CDKL5: variants seen among roughly 807,000 people sequenced by gnomAD.
The protein encoded by CDKL5 is cyclin dependent kinase like 5.
In CDKL5, 8 loss-of-function variants were observed where a neutral mutation model predicts 61.7. That is an observed-to-expected ratio of 0.13 (90% confidence interval 0.08 to 0.23). The LOEUF (loss-of-function observed/expected upper bound fraction) is 0.23. Among genes scored for constraint, CDKL5 ranks in the 10% least tolerant of loss-of-function variants. The pLI is 1.00. For missense variants in CDKL5, 440 were observed against 734.5 expected (o/e 0.60, Z 4.63); for synonymous variants, 275 against 272.3 (o/e 1.01, Z -0.10).
rs1555951984 is a variant in CDKL5 at position 18,604,137 on chromosome X, C to G, written c.1213C>G (p.Leu405Val). Reference sequence around the variant, plus strand: ...TCTCACCAACAACAACATACCACACCTTCTTAGCCCAAAAGAAGCCAAGTC... The same window carrying G: ...TCTCACCAACAACAACATACCACACGTTCTTAGCCCAAAAGAAGCCAAGTC... ...KDLTNNNIPHLLSPKEAKSKT... is the reference protein window; with the variant it reads ...KDLTNNNIPHVLSPKEAKSKT... The change falls in exon 12 of 18, where the codon CTT becomes GTT. Residue 405 changes from leucine to valine, a missense_variant. Around this residue, in one of 2 missense-constraint regions of CDKL5, gnomAD observed 363 missense variants for 516.3 expected, o/e 0.70. Coordinates refer to ENST00000623535, the MANE Select transcript of CDKL5 (RefSeq NM_001323289.2). The G allele has an allele frequency of 8.3e-7, 1 of 1,211,760 alleles. No individual in the cohort carries two copies. The highest frequency in any genetic ancestry group is 2.2e-5 in the Admixed American group (1 of 46,011).
intron 16 of CDKL5, among the ~76,000 whole-genome samples, chrX:18,622,916 G>A (rs1926933281): frequency 8.9e-6 from 1 of 111,770 alleles, no homozygotes; most frequent in African/African-American, 3.3e-5. Flanking sequence ...AAAATTTGTG[G>A]GATGTTTTAC....
chrX:18,532,002 G>T (rs936850679), intron 3 of CDKL5, among the ~76,000 whole-genome samples: 1 of 112,022 alleles, frequency 8.9e-6, no homozygotes, highest in African/African-American at 3.3e-5. Flanking sequence ...CACCGCGCCC[G>T]GCCAGGGTTT....
Position 18,633,708 on chromosome X carries a change from T to C in CDKL5, c.*4951T>C, listed in dbSNP as rs909696666. The C allele has an allele frequency of 1.3e-6, 1 of 753,965 alleles. No homozygotes were observed. Among genetic ancestry groups the C allele is most frequent in the African/African-American group, 2.3e-5 (1 of 43,748 alleles). The allele number at this position is 753,965 out of a possible 1,213,427, so 62.1% of individuals were successfully genotyped here. A position where few individuals can be genotyped will look rare whatever the true frequency, so the allele number is the denominator to read the frequency against. On this transcript the variant is annotated 3_prime_UTR_variant, in exon 18 of 18. Coordinates refer to ENST00000623535, the MANE Select transcript of CDKL5 (RefSeq NM_001323289.2). ...TGCCCCCTTCGATTCTTTTTTTTTTTCTTTGTGAATTGAATGTACGATACA... is the reference window on the plus strand; with the variant it reads ...TGCCCCCTTCGATTCTTTTTTTTTTCCTTTGTGAATTGAATGTACGATACA...
intron 1 of CDKL5, among the ~76,000 whole-genome samples, chrX:18,497,865 A>G (rs1327148047): frequency 9.3e-6 from 1 of 107,979 alleles, no homozygotes; most frequent in Admixed American, 1.0e-4. Flanking sequence ...CCGGCAGTGC[A>G]CAGTGCACAG....
chrX:18,618,725 T>G (rs1186355758), intron 15 of CDKL5, among the ~76,000 whole-genome samples: 4 of 111,907 alleles, frequency 3.6e-5, no homozygotes, highest in Non-Finnish European at 7.5e-5. Flanking sequence ...TTCCAGCACT[T>G]TGGGAGGCTG....
intron 3 of CDKL5, among the ~76,000 whole-genome samples, chrX:18,525,297 G>A (rs1256066784): frequency 1.8e-5 from 2 of 110,849 alleles, no homozygotes; most frequent in Non-Finnish European, 3.8e-5. Context: ...TGGGGTTTCA[G>A]CATATTGATC....
At chrX:18,540,933 C>T (rs1004640810) in intron 3 of CDKL5, among the ~76,000 whole-genome samples, 1 of 111,091 alleles carries the variant, frequency 9.0e-6, no homozygotes. Context: ...GTGATCCACC[C>T]GCCTCAGCCT....
At chrX:18,476,774 CT>C (rs1302310922) in intron 1 of CDKL5, among the ~76,000 whole-genome samples, 17 of 106,498 alleles carry the variant, frequency 1.6e-4, no homozygotes, top group Non-Finnish European at 1.6e-4. Context: ...ATAGTTGAAT[CT>C]TTTTTTTTTT....
intron 1 of CDKL5, among the ~76,000 whole-genome samples, chrX:18,456,004 T>A (rs1167604764): frequency 8.9e-6 from 1 of 111,779 alleles, no homozygotes; most frequent in Non-Finnish European, 1.9e-5. Flanking sequence ...ACAGAAGTTC[T>A]GGCCACTTAA....
At chrX:18,536,278 A>G (rs1405184405) in intron 3 of CDKL5, among the ~76,000 whole-genome samples, 1 of 110,483 alleles carries the variant, frequency 9.1e-6, no homozygotes, top group Non-Finnish European at 1.9e-5. Flanking sequence ...AGCAGACACA[A>G]AGACATTAGA....
intron 3 of CDKL5, among the ~76,000 whole-genome samples, chrX:18,534,621 A>G (rs1347713469): frequency 8.9e-6 from 1 of 112,066 alleles, no homozygotes; most frequent in Non-Finnish European, 1.9e-5. Context: ...AATGAATATC[A>G]TTATCTATTT....
chrX:18,517,743 T>C (rs942551945), intron 3 of CDKL5, among the ~76,000 whole-genome samples: 3 of 111,737 alleles, frequency 2.7e-5, no homozygotes, highest in African/African-American at 9.8e-5. Context: ...TTCAAAGTAG[T>C]GCATGGATCC....
At chrX:18,580,462 C>T (rs1415208055) in intron 6 of CDKL5, among the ~76,000 whole-genome samples, 2 of 111,555 alleles carry the variant, frequency 1.8e-5, no homozygotes, top group Non-Finnish European at 3.8e-5. Context: ...TGTATCTTCA[C>T]CTCCTAATTT....
chrX:18,650,581 C>T lies in CDKL5; in HGVS notation c.2969C>T (p.Thr990Ile), dbSNP rs1303183476. Residue 990 changes from threonine to isoleucine, a missense_variant, in exon 21 of 22, where the codon ACC becomes ATC. By Grantham distance (89) the Thr-to-Ile change is moderately conservative. Coordinates refer to the CDKL5 transcript ENST00000379989. Reference sequence around the variant, plus strand: ...GGCACTGATGCTTTCAGCTGCCCAACCCAGCAATCCGGTAAGCAGAGACTC... The same window carrying T: ...GGCACTGATGCTTTCAGCTGCCCAATCCAGCAATCCGGTAAGCAGAGACTC... 1.7e-6 allele frequency: 2 copies of T among 1,212,102 alleles called. No homozygotes were observed. The highest frequency in any genetic ancestry group is 4.3e-5 in the Admixed American group (2 of 46,109).
At chrX:18,431,956 T>C (rs1160416204) in intron 1 of CDKL5, among the ~76,000 whole-genome samples, 1 of 109,700 alleles carries the variant, frequency 9.1e-6, no homozygotes, top group Non-Finnish European at 1.9e-5. Flanking sequence ...TTGCCTAGGC[T>C]GGAGTGCAGT....
chrX:18,495,221 C>A (rs1365553351), intron 1 of CDKL5, among the ~76,000 whole-genome samples: 1 of 112,146 alleles, frequency 8.9e-6, no homozygotes, highest in Non-Finnish European at 1.9e-5. Context: ...ACTCATGATT[C>A]AACTGATTTT....
chrX:18,581,592 A>T (rs1925483067), intron 6 of CDKL5, among the ~76,000 whole-genome samples: 1 of 111,688 alleles, frequency 9.0e-6, no homozygotes, highest in South Asian at 3.7e-4. Flanking sequence ...TAGGTTTTTG[A>T]AATGTGTTGG....
At chrX:18,572,890 A>G (rs985273917) in intron 4 of CDKL5, among the ~76,000 whole-genome samples, 1 of 112,093 alleles carries the variant, frequency 8.9e-6, no homozygotes, top group Admixed American at 9.5e-5. Flanking sequence ...GCATACCACT[A>G]AGCAAACAAA....
chrX:18,436,045 A>G (rs1473285107), intron 1 of CDKL5, among the ~76,000 whole-genome samples: 1 of 112,168 alleles, frequency 8.9e-6, no homozygotes, highest in Non-Finnish European at 1.9e-5. Context: ...CCTTATTGGT[A>G]ATATAAATAG....
Sources: gnomAD v4.1 joint callset for allele counts (sites outside exome capture counted in the v4.1 genomes callset) on GRCh38, gnomAD v4.1.1 for gene constraint, gnomAD v4.1.1 regional missense constraint, MANE v1.5 for transcripts, NCBI Gene and HGNC (gene_info 2026-07-23, HGNC 2026-07-21) for gene names.